Variants in ARHGAP44 observed in about 807,000 individuals in gnomAD.
The protein encoded by ARHGAP44 is rho GTPase-activating protein 44.
Under a neutral mutation model 106.8 loss-of-function variants are expected in ARHGAP44, and 43 were observed. That is an observed-to-expected ratio of 0.40 (90% confidence interval 0.32 to 0.52). ARHGAP44 has a LOEUF of 0.52. Ranked by LOEUF, ARHGAP44 falls within the 20% of genes least tolerant of loss-of-function variation. ARHGAP44 has a pLI of 0.48. For missense variants in ARHGAP44, 866 were observed against 1,050.5 expected, an observed-to-expected ratio of 0.82 and a Z score of 2.43; for synonymous variants, 439 against 410.3, an observed-to-expected ratio of 1.07 and a Z score of -0.85.
chr17:12,920,695 A>G (rs1179237571), intron 6 of ARHGAP44, among the ~76,000 whole-genome samples: 1 of 152,158 alleles, frequency 6.6e-6, no homozygotes, highest in Non-Finnish European at 1.5e-5. Context: ...ATTACAGGAA[A>G]TTTCGCATTT....
intron 1 of ARHGAP44, among the ~76,000 whole-genome samples, chr17:12,816,500 C>T (rs1191365092): frequency 6.6e-6 from 1 of 152,044 alleles, no homozygotes; most frequent in Non-Finnish European, 1.5e-5. Context: ...TTTAAGCTGT[C>T]ATTATTTTCA....
At chr17:12,919,911 ATTGTGTTTTCATTCACCAAG>A in intron 6 of ARHGAP44, 80 bp downstream of exon 6, 1 of 1,226,592 alleles carries the variant, frequency 8.2e-7, no homozygotes, top group Non-Finnish European at 1.1e-6. Context: ...TAAGTAGGCA[ATTGTGTTTTCATTCACCAAG>A]TTTTTCTGGA....
intron 1 of ARHGAP44, among the ~76,000 whole-genome samples, chr17:12,797,948 T>G (rs2150757465): frequency 6.6e-6 from 1 of 152,352 alleles, no homozygotes; most frequent in South Asian, 2.1e-4. Flanking sequence ...GTGTTGTTAC[T>G]GTAGCTTCAG....
intron 1 of ARHGAP44, among the ~76,000 whole-genome samples, chr17:12,869,260 A>G (rs1371199574): frequency 6.6e-6 from 1 of 152,156 alleles, no homozygotes; most frequent in Non-Finnish European, 1.5e-5. Flanking sequence ...AGGAAAAGGT[A>G]ACATTTGGAG....
At chr17:12,903,791 C>T (rs991067274) in intron 3 of ARHGAP44, among the ~76,000 whole-genome samples, 1 of 152,120 alleles carries the variant, frequency 6.6e-6, no homozygotes, top group African/African-American at 2.4e-5. Flanking sequence ...TTGTATCATT[C>T]TTATGCCTCT....
rs1214930343 is a variant in ARHGAP44, at chr17:12,802,217, C to T, written c.53+12326C>T. ...CACATAGCTGAAATTTGCTGGTTCC[C>T]CCATAATCAGTTAGGGTTCTCTGGA... On this transcript the variant is annotated intron_variant, in intron 1 of 20. Transcript: ENST00000379672. 4.6e-5 allele frequency among the ~76,000 whole-genome samples: 7 copies of T among 152,240 alleles called. No individual in the cohort carries two copies. In the East Asian group the frequency reaches 1.2e-3, roughly 25 times the overall value.
chr17:12,893,511 T>C (rs899954203), intron 1 of ARHGAP44, among the ~76,000 whole-genome samples: 2 of 152,188 alleles, frequency 1.3e-5, no homozygotes, highest in Non-Finnish European at 2.9e-5. Context: ...CAGAGGAGGA[T>C]GGGCTTTGTC....
intron 1 of ARHGAP44, among the ~76,000 whole-genome samples, chr17:12,846,297 G>A (rs1397852103): frequency 6.6e-6 from 1 of 152,068 alleles, no homozygotes; most frequent in African/African-American, 2.4e-5. Flanking sequence ...TAAAGTATAA[G>A]CATTTCCCCA....
intron 3 of ARHGAP44, among the ~76,000 whole-genome samples, chr17:12,905,443 C>G (rs1334764637): frequency 6.6e-6 from 1 of 152,116 alleles, no homozygotes; most frequent in Non-Finnish European, 1.5e-5. Context: ...GTTTTCCAGT[C>G]TGCACTTTGC....
intron 1 of ARHGAP44, among the ~76,000 whole-genome samples, chr17:12,882,172 A>AG (rs2036758959): frequency 6.6e-6 from 1 of 152,036 alleles, no homozygotes; most frequent in African/African-American, 2.4e-5. Context: ...CATGTCTTTT[A>AG]CTAATTTTTA....
intron 16 of ARHGAP44, among the ~76,000 whole-genome samples, chr17:12,962,405 C>T (rs2039285095): frequency 6.6e-6 from 1 of 152,132 alleles, no homozygotes; most frequent in Non-Finnish European, 1.5e-5. Flanking sequence ...AATGCCCATC[C>T]ACCAAAGAAA....
chr17:12,849,880 G>A (rs2035689244), intron 1 of ARHGAP44, among the ~76,000 whole-genome samples: 1 of 152,118 alleles, frequency 6.6e-6, no homozygotes, highest in South Asian at 2.1e-4. Context: ...TGTCCAGGAA[G>A]TGTTTGTTCG....
At chr17:12,869,741 CACTTTG>C (rs1314455666) in intron 1 of ARHGAP44, among the ~76,000 whole-genome samples, 3 of 152,024 alleles carry the variant, frequency 2.0e-5, no homozygotes, top group Non-Finnish European at 2.9e-5. Context: ...GAACTAATAA[CACTTTG>C]ACTTATACCT....
chr17:12,894,341 T>C (rs1389680158), intron 1 of ARHGAP44, among the ~76,000 whole-genome samples: 1 of 149,622 alleles, frequency 6.7e-6, no homozygotes, highest in Non-Finnish European at 1.5e-5. Flanking sequence ...TAAATCAGAA[T>C]GCTTTGTTCC....
At chr17:12,894,055 A>AT (rs780173982) in intron 1 of ARHGAP44, among the ~76,000 whole-genome samples, 9 of 152,224 alleles carry the variant, frequency 5.9e-5, no homozygotes, top group Non-Finnish European at 1.3e-4. Context: ...CCTACTGCTT[A>AT]TTTTTTAATA....
chr17:12,836,759 G>A (rs1244981614), intron 1 of ARHGAP44, among the ~76,000 whole-genome samples: 3 of 152,126 alleles, frequency 2.0e-5, no homozygotes, highest in Non-Finnish European at 2.9e-5. Flanking sequence ...TGAGAACAGA[G>A]GCTCAAAATA....
intron 6 of ARHGAP44, among the ~76,000 whole-genome samples, chr17:12,926,623 T>G (rs1296712873): frequency 6.7e-6 from 1 of 150,090 alleles, no homozygotes; most frequent in African/African-American, 2.4e-5. Flanking sequence ...ATCAAGATAC[T>G]GACTACAGGA....
At position 12,857,995 on chromosome 17, in the gene ARHGAP44, C is replaced by A. The variant is rs185899689; in HGVS notation, c.54-36945C>A. Among the ~76,000 whole-genome samples the A allele has an allele frequency of 2.6e-5, 4 of 152,168 alleles. No individual in the cohort carries two copies. The East Asian group carries it at 7.8e-4, about 30-fold the overall frequency. The stretch of plus-strand genomic sequence containing the variant: ...GGCTGCCACTAATCCTGCTCATCCC[C>A]TTACCACTGATACTCTTGTGCAAGG... On this transcript the variant is annotated intron_variant, in intron 1 of 20. Coordinates refer to ENST00000379672, the MANE Select transcript of ARHGAP44 (RefSeq NM_014859.6).
At chr17:12,853,119 G>A (rs1012648232) in intron 1 of ARHGAP44, among the ~76,000 whole-genome samples, 3 of 152,126 alleles carry the variant, frequency 2.0e-5, no homozygotes, top group Non-Finnish European at 4.4e-5. Context: ...TCTGAGTCCC[G>A]AATACAGCCT....
Sources: allele counts gnomAD v4.1 joint callset (sites outside exome capture counted in the v4.1 genomes callset), GRCh38; gene constraint gnomAD v4.1.1; transcripts MANE v1.5; gene names NCBI Gene and HGNC (gene_info 2026-07-23, HGNC 2026-07-21).